The following ZNF814 variants were observed in gnomAD, a reference collection of about 807,000 sequenced individuals.
ZNF814 encodes zinc finger protein 814.
A neutral mutation model predicts 7.5 loss-of-function variants in ZNF814; 5 were observed. The observed-to-expected ratio is 0.67, with a 90% CI of 0.35 to 1.40. The LOEUF is 1.40. ZNF814 is among the 40% of genes most tolerant of loss of function. The probability of loss-of-function intolerance (pLI) is 0.04; values close to 1 mark genes in which losing one functional copy is unlikely to be tolerated. For missense variants in ZNF814, 962 were observed against 1,018.0 expected, an observed-to-expected ratio of 0.94 and a Z score of 0.75; for synonymous variants, 315 against 340.7, an observed-to-expected ratio of 0.92 and a Z score of 0.83.
Position 57,874,375 on chromosome 19 carries a change from A to G in ZNF814, c.1015T>C (p.Phe339Leu). Residue 339 changes from phenylalanine to leucine, a missense_variant, in exon 3 of 3, where the codon TTC (phenylalanine) becomes CTC (leucine). Around this residue, in one of 7 missense-constraint regions of ZNF814, gnomAD observed 30 missense variants for 97.6 expected, o/e 0.31. Transcript: ENST00000435989. Reference protein sequence around the residue: ...CGKSFSKYASFSNHQRVHTEK... With the variant: ...CGKSFSKYASLSNHQRVHTEK... ...GTGTGAACTCTCTGATGATTACTGA[A>G]GCTAGCATATTTGCTAAACGATTTC... The G allele has an allele frequency of 6.4e-7, 1 of 1,553,016 alleles. No homozygotes were observed. Among genetic ancestry groups the G allele is most frequent in the East Asian group, 2.4e-5 (1 of 41,400 alleles).
upstream of ZNF814, among the ~76,000 whole-genome samples, chr19:57,893,675 T>A (rs1302069753): frequency 1.3e-5 from 2 of 151,888 alleles, no homozygotes; most frequent in African/African-American, 2.4e-5. Context: ...TCCCAGCTCT[T>A]TGGGAGGCCG....
At chr19:57,884,734 T>G (rs2071675340) in intron 1 of ZNF814, among the ~76,000 whole-genome samples, 1 of 152,176 alleles carries the variant, frequency 6.6e-6, no homozygotes, top group Admixed American at 6.5e-5. Flanking sequence ...ATGGCTTATT[T>G]ATATCCAAAA....
intron 1 of ZNF814, among the ~76,000 whole-genome samples, chr19:57,880,635 C>G (rs78689126): frequency 1.6e-5 from 2 of 124,102 alleles, no homozygotes; most frequent in Admixed American, 8.2e-5. Context: ...AAGAGAGAGT[C>G]TCGCTCTGTC....
Position 57,889,002 on chromosome 19 carries a change from G to A in ZNF814, c.-200C>T, listed in dbSNP as rs1441241881. Reference sequence around the variant, plus strand: ...CACAGTGCGGACCTAGCGCTCAGGAGCCTCTCCTACAAATAAATCCAACAC... The same window carrying A: ...CACAGTGCGGACCTAGCGCTCAGGAACCTCTCCTACAAATAAATCCAACAC... On this transcript the variant is annotated 5_prime_UTR_variant, in exon 1 of 3. Transcript: ENST00000435989. 3.4e-6 allele frequency: 2 copies of A among 588,294 alleles called. No individual in the cohort carries two copies. Among genetic ancestry groups the A allele is most frequent in the East Asian group, 2.8e-5 (1 of 35,568 alleles). The allele number at this position is 588,294 out of a possible 1,614,324, so 36.4% of individuals were successfully genotyped here.
chr19:57,876,429 A>G (rs2071608242), intron 2 of ZNF814: 1 of 168,990 alleles, frequency 5.9e-6, no homozygotes, highest in African/African-American at 2.4e-5. Context: ...GGAACAGCCA[A>G]CATTGTCTCA....
At chr19:57,888,240 C>T (rs75311285) in intron 1 of ZNF814, among the ~76,000 whole-genome samples, 7,979 of 152,264 alleles carry the variant, frequency 0.052, 305 homozygotes, top group Middle Eastern at 0.078. Flanking sequence ...GTGTCTTCAG[C>T]CTCTGTGCCC....
the ZNF814 span, among the ~76,000 whole-genome samples, chr19:57,899,028 T>G: frequency 6.6e-6 from 1 of 152,058 alleles, no homozygotes; most frequent in African/African-American, 2.4e-5. Context: ...ATTCAACCCA[T>G]GGGCTCACTG....
At chr19:57,895,283 T>C in the ZNF814 span, among the ~76,000 whole-genome samples, 2 of 151,356 alleles carry the variant, frequency 1.3e-5, no homozygotes, top group South Asian at 2.1e-4. Context: ...TTCTTTCTTT[T>C]TTTTTTTTTT....
Position 57,874,142 on chromosome 19 carries a change from G to A in ZNF814, c.1248C>T (p.Ser416=), listed in dbSNP as rs879198642. 8 of 1,595,110 alleles carry A rather than the reference G, an allele frequency of 5.0e-6. No individual in the cohort carries two copies. The African/African-American group carries it at 1.1e-4, about 22-fold the overall frequency. The change falls in exon 3 of 3, where the codon TCC becomes TCT. Residue 416 remains serine, a synonymous_variant. Transcript: ENST00000435989. ...GAATGAGGCTGCTCTTTTGACTAAAGGATTTCCCACATTCTCCACATTCAT... is the reference window on the plus strand; with the variant it reads ...GAATGAGGCTGCTCTTTTGACTAAAAGATTTCCCACATTCTCCACATTCAT... ...KHYECGECGK[S]FSQKSSLIQH...
chr19:57,883,344 C>T (rs1352704528), intron 1 of ZNF814, among the ~76,000 whole-genome samples: 4 of 117,176 alleles, frequency 3.4e-5, no homozygotes, highest in Non-Finnish European at 5.2e-5. Context: ...TGGGCGACAG[C>T]GAGACTCCAT....
At chr19:57,892,033 T>G (rs2071737638), upstream of ZNF814, among the ~76,000 whole-genome samples, 1 of 152,192 alleles carries the variant, frequency 6.6e-6, no homozygotes, top group African/African-American at 2.4e-5. Context: ...ATTACAGGCG[T>G]GAGCCACTGC....
chr19:57,892,239 C>T (rs2071738374), upstream of ZNF814, among the ~76,000 whole-genome samples: 1 of 152,210 alleles, frequency 6.6e-6, no homozygotes. Flanking sequence ...GAGTTTGACT[C>T]TTTTCATTGA....
chr19:57,887,970 C>G (rs2071706888), intron 1 of ZNF814, among the ~76,000 whole-genome samples: 1 of 152,190 alleles, frequency 6.6e-6, no homozygotes, highest in African/African-American at 2.4e-5. Flanking sequence ...GTTTTTACTT[C>G]TGAAGAGTTG....
rs1301636153 is a variant in ZNF814 at position 57,874,188 on chromosome 19, ACT to A, written c.1200_1201del (p.Arg400SerfsTer4). The A allele has an allele frequency of 8.2e-6, 13 of 1,580,724 alleles. No homozygotes were observed. The highest frequency in any genetic ancestry group is 2.3e-5 in the East Asian group (1 of 42,754). On this transcript the variant is annotated frameshift_variant, in exon 3 of 3. Transcript: ENST00000435989. LOFTEE classifies it low-confidence loss of function (END_TRUNC). ...TTCATAATGTTTTTTGTCAGTGTGA[ACT>A]CTCTGATGATTACTGAAGCTAGCAT...
chr19:57,873,770 T>C lies in ZNF814; in HGVS notation c.1620A>G (p.Gln540=), dbSNP rs529432063. 162 of 1,613,564 alleles carry C rather than the reference T, an allele frequency of 1.0e-4. 1 individual carries two copies. Among genetic ancestry groups the C allele is most frequent in the South Asian group, 8.6e-4 (78 of 91,034 alleles). ...CATAAAGTCTGTCCCCAGTGTGAAT[T>C]TGCTGATGGTTCCTAAGATGTCCTT... ...SSKGHLRNHQ[Q]IHTGDRLYEC... is the part of the protein sequence containing the mutation. The change falls in exon 3 of 3, where the codon CAA becomes CAG. Residue 540 remains glutamine, a synonymous_variant. Coordinates refer to ENST00000435989, the MANE Select transcript of ZNF814 (RefSeq NM_001144989.2).
chr19:57,893,196 C>T (rs1341376073), upstream of ZNF814, among the ~76,000 whole-genome samples: 4 of 135,212 alleles, frequency 3.0e-5, no homozygotes, highest in Admixed American at 8.1e-5. Flanking sequence ...TTTTTGGAGA[C>T]GGAGTCTTGC....
At position 57,873,955 on chromosome 19, in the gene ZNF814, G is replaced by A. The variant is rs370687233; in HGVS notation, c.1435C>T (p.Leu479Phe). The stretch of plus-strand genomic sequence containing the variant: ...CTGTGAACTCGCTGATGGTGAACAA[G>A]GCTGCGCTTATGACTGAAAGATTTC... Reference protein sequence around the residue: ...CVKSFSHKRSLVHHQRVHSGE... With the variant: ...CVKSFSHKRSFVHHQRVHSGE... The change falls in exon 3 of 3, where the codon CTT (leucine) becomes TTT (phenylalanine). Residue 479 changes from leucine to phenylalanine, a missense_variant. Physicochemically the swap from Leu to Phe is conservative, Grantham distance 22. Coordinates refer to ENST00000435989, the MANE Select transcript of ZNF814 (RefSeq NM_001144989.2). 1.2e-6 allele frequency: 2 copies of A among 1,613,712 alleles called. No individual in the cohort carries two copies. The highest frequency in any genetic ancestry group is 2.2e-5 in the East Asian group (1 of 44,848).
chr19:57,882,748 G>A lies in ZNF814; in HGVS notation c.37-5706C>T, dbSNP rs889059100. Among the ~76,000 whole-genome samples, 4 of 148,742 alleles carry A rather than the reference G, an allele frequency of 2.7e-5. No homozygotes were observed. The South Asian group carries it at 6.3e-4, about 23-fold the overall frequency. On this transcript the variant is annotated intron_variant, in intron 1 of 2. Coordinates refer to ENST00000435989, the MANE Select transcript of ZNF814 (RefSeq NM_001144989.2). Reference sequence around the variant, plus strand: ...AGATTCAGCTTAGATCACAACACCCGGGTCCTTTCAAATACCTGGAAACTC... The same window carrying A: ...AGATTCAGCTTAGATCACAACACCCAGGTCCTTTCAAATACCTGGAAACTC...
At chr19:57,901,121 C>T in the ZNF814 span, among the ~76,000 whole-genome samples, 2 of 151,228 alleles carry the variant, frequency 1.3e-5, no homozygotes, top group Non-Finnish European at 1.5e-5. Flanking sequence ...CAGGCGTGAG[C>T]CACCGCGCCC....
Sources: allele counts gnomAD v4.1 joint callset (sites outside exome capture counted in the v4.1 genomes callset), GRCh38; gene constraint gnomAD v4.1.1; regional missense constraint gnomAD v4.1.1; transcripts MANE v1.5; gene names NCBI Gene and HGNC (gene_info 2026-07-23, HGNC 2026-07-21).